TMEFF2: variants seen among roughly 807,000 people sequenced by gnomAD.
The protein encoded by TMEFF2 is transmembrane protein with EGF like and two follistatin like domains 2, also known as tomoregulin-2.
In TMEFF2, 28 loss-of-function variants were observed where a neutral mutation model predicts 53.8. That is an observed-to-expected ratio of 0.52 (90% CI 0.39 to 0.71). TMEFF2 has a LOEUF of 0.71. Among genes scored for constraint, TMEFF2 ranks in the 30% least tolerant of loss-of-function variants. TMEFF2 has a pLI of 0.00. For synonymous variants in TMEFF2, 162 were observed against 166.3 expected (o/e 0.97, Z 0.20); for missense variants, 353 against 455.2 (o/e 0.78, Z 2.04).
intron 4 of TMEFF2, among the ~76,000 whole-genome samples, chr2:192,159,456 G>C (rs1690583290): frequency 6.6e-6 from 1 of 152,036 alleles, no homozygotes; most frequent in African/African-American, 2.4e-5. Flanking sequence ...TGTGATTCTG[G>C]GAACTGAATG....
intron 4 of TMEFF2, among the ~76,000 whole-genome samples, chr2:192,145,912 T>TGAA (rs1434854326): frequency 6.6e-6 from 1 of 151,982 alleles, no homozygotes; most frequent in Non-Finnish European, 1.5e-5. Flanking sequence ...GAAGCCCTTT[T>TGAA]GAAGACACAA....
At chr2:192,004,660 GA>G (rs1686455814) in intron 5 of TMEFF2, among the ~76,000 whole-genome samples, 1 of 151,974 alleles carries the variant, frequency 6.6e-6, no homozygotes, top group African/African-American at 2.4e-5. Context: ...AAAAGAAAAA[GA>G]AAAAAGGTAG....
At chr2:191,960,833 T>C (rs1692249817) in intron 7 of TMEFF2, among the ~76,000 whole-genome samples, 2 of 152,172 alleles carry the variant, frequency 1.3e-5, no homozygotes, top group African/African-American at 4.8e-5. Flanking sequence ...GTGAGTTCCA[T>C]TGTAAAATAG....
At chr2:191,984,012 A>G (rs1685916810) in intron 7 of TMEFF2, among the ~76,000 whole-genome samples, 1 of 152,198 alleles carries the variant, frequency 6.6e-6, no homozygotes, top group Non-Finnish European at 1.5e-5. Context: ...GTCGAATAAT[A>G]GTTTGTATGT....
chr2:192,143,799 T>C (rs1037229606), intron 4 of TMEFF2, among the ~76,000 whole-genome samples: 2 of 152,166 alleles, frequency 1.3e-5, no homozygotes, highest in Non-Finnish European at 2.9e-5. Flanking sequence ...CCAAGTGGTT[T>C]ATTTGAAGGA....
At chr2:192,115,117 A>G (rs1402893233) in intron 4 of TMEFF2, among the ~76,000 whole-genome samples, 2 of 151,990 alleles carry the variant, frequency 1.3e-5, no homozygotes, top group Admixed American at 1.3e-4. Flanking sequence ...AAAAGTTTCT[A>G]ATTAGCTAAA....
At chr2:192,138,949 T>C (rs1438936004) in intron 4 of TMEFF2, among the ~76,000 whole-genome samples, 2 of 152,056 alleles carry the variant, frequency 1.3e-5, no homozygotes, top group Non-Finnish European at 2.9e-5. Flanking sequence ...ATAAAGGAGA[T>C]GGAAAGTAAA....
chr2:191,960,267 T>A (rs1215026410), intron 7 of TMEFF2, among the ~76,000 whole-genome samples: 3 of 152,234 alleles, frequency 2.0e-5, no homozygotes, highest in African/African-American at 7.2e-5. Context: ...TCTGATGCTA[T>A]TAAATATTTA....
intron 4 of TMEFF2, among the ~76,000 whole-genome samples, chr2:192,168,156 G>T (rs535627513): frequency 2.0e-5 from 3 of 152,138 alleles, no homozygotes; most frequent in Admixed American, 6.5e-5. Flanking sequence ...AATGCTCAAA[G>T]AATTCTATTC....
intron 7 of TMEFF2, among the ~76,000 whole-genome samples, chr2:191,996,773 GTATT>G (rs1267422188): frequency 2.6e-5 from 4 of 151,682 alleles, no homozygotes; most frequent in Admixed American, 6.6e-5. Context: ...GCATGCTAAA[GTATT>G]TGTGAATGAA....
intron 4 of TMEFF2, among the ~76,000 whole-genome samples, chr2:192,155,879 T>G (rs1690495331): frequency 6.6e-6 from 1 of 152,014 alleles, no homozygotes; most frequent in East Asian, 1.9e-4. Context: ...TATTTCTGCT[T>G]AAAATAGCAC....
At chr2:192,163,103 T>C (rs939333868) in intron 4 of TMEFF2, among the ~76,000 whole-genome samples, 1 of 152,196 alleles carries the variant, frequency 6.6e-6, no homozygotes, top group African/African-American at 2.4e-5. Context: ...CATCTGGAAG[T>C]GACTTTCTAT....
intron 4 of TMEFF2, among the ~76,000 whole-genome samples, chr2:192,092,141 T>C (rs1297407019): frequency 1.3e-5 from 2 of 152,122 alleles, no homozygotes; most frequent in African/African-American, 4.8e-5. Context: ...CAAGGGACAA[T>C]TCCTATTGTA....
intron 4 of TMEFF2, among the ~76,000 whole-genome samples, chr2:192,102,710 G>A (rs577320204): frequency 2.3e-5 from 3 of 130,286 alleles, no homozygotes; most frequent in Non-Finnish European, 4.6e-5. Context: ...CTCACCTGTC[G>A]CCAGGCTGGA....
intron 9 of TMEFF2, among the ~76,000 whole-genome samples, chr2:191,952,706 C>A (rs2105783419): frequency 6.6e-6 from 1 of 152,256 alleles, no homozygotes. Context: ...CACTTGTCCT[C>A]AAAGAAGATT....
intron 4 of TMEFF2, among the ~76,000 whole-genome samples, chr2:192,176,323 C>A (rs971776131): frequency 2.0e-5 from 3 of 151,194 alleles, no homozygotes; most frequent in Admixed American, 6.6e-5. Context: ...TCAAAACAAA[C>A]GTTTTTGTTC....
At chr2:192,106,888 T>C (rs1408186338) in intron 4 of TMEFF2, among the ~76,000 whole-genome samples, 2 of 151,722 alleles carry the variant, frequency 1.3e-5, no homozygotes, top group Admixed American at 6.6e-5. Flanking sequence ...AGAAGTTTAC[T>C]GGAAATGATG....
intron 4 of TMEFF2, among the ~76,000 whole-genome samples, chr2:192,106,936 G>A (rs1350812379): frequency 1.3e-5 from 2 of 151,728 alleles, no homozygotes; most frequent in African/African-American, 4.8e-5. Context: ...GAGTAAGTAG[G>A]ACTTTTATAG....
At chr2:191,977,227 G>T (rs1443809749) in intron 7 of TMEFF2, among the ~76,000 whole-genome samples, 1 of 152,246 alleles carries the variant, frequency 6.6e-6, no homozygotes, top group Non-Finnish European at 1.5e-5. Context: ...AGCATGGCTT[G>T]TGGGGGAACT....
Sources: gnomAD v4.1 joint callset for allele counts (sites outside exome capture counted in the v4.1 genomes callset) on GRCh38, gnomAD v4.1.1 for gene constraint, MANE v1.5 for transcripts, NCBI Gene and HGNC (gene_info 2026-07-23, HGNC 2026-07-21) for gene names.